Variants in ADAMTSL3 observed in about 807,000 individuals in gnomAD.
ADAMTSL3 encodes ADAMTS-like protein 3.
A neutral mutation model predicts 201.7 loss-of-function variants in ADAMTSL3; 128 were observed. That is an observed-to-expected ratio of 0.63 (90% CI 0.55 to 0.73). The LOEUF (loss-of-function observed/expected upper bound fraction) is 0.73. Among genes scored for constraint, ADAMTSL3 ranks in the 30% least tolerant of loss-of-function variants. The pLI, the probability that ADAMTSL3 is intolerant of heterozygous loss-of-function variation, is 0.00. For missense variants in ADAMTSL3, 1,990 were observed against 2,119.6 expected, an observed-to-expected ratio of 0.94 and a Z score of 1.20; for synonymous variants, 738 against 748.4, an observed-to-expected ratio of 0.99 and a Z score of 0.23.
At chr15:83,895,931 G>C (rs1485834323) in intron 13 of ADAMTSL3, among the ~76,000 whole-genome samples, 1 of 152,124 alleles carries the variant, frequency 6.6e-6, no homozygotes, top group Non-Finnish European at 1.5e-5. Flanking sequence ...TATTCTGCCT[G>C]ATGTGTGTAC....
intron 19 of ADAMTSL3, among the ~76,000 whole-genome samples, chr15:83,949,625 C>A (rs1305334966): frequency 6.6e-6 from 1 of 151,966 alleles, no homozygotes; most frequent in Non-Finnish European, 1.5e-5. Flanking sequence ...ACATTCCCAC[C>A]AACAATGTAC....
chr15:83,733,109 C>T (rs1313876214), intron 3 of ADAMTSL3, among the ~76,000 whole-genome samples: 2 of 152,134 alleles, frequency 1.3e-5, no homozygotes, highest in Non-Finnish European at 2.9e-5. Context: ...TGGGTGTAAT[C>T]ACAAGAGTGA....
chr15:83,778,472 T>G (rs958883073), intron 4 of ADAMTSL3, among the ~76,000 whole-genome samples: 34 of 152,232 alleles, frequency 2.2e-4, no homozygotes, highest in Non-Finnish European at 4.7e-4. Context: ...GTATTCAACA[T>G]TCTTAAAATA....
In ADAMTSL3 at chr15:83,822,470, T is replaced by C. The variant is rs1376067427; in HGVS notation, c.600+2423T>C. ...GTTGCCAGGCGGAGGGTCTCCTCAC[T>C]TCTCAGACGGGGCGGCCGGGCAGAG... On this transcript the variant is annotated intron_variant, in intron 6 of 29. Transcript: ENST00000286744. Among the ~76,000 whole-genome samples, 4 of 132,480 alleles carry C rather than the reference T, an allele frequency of 3.0e-5. No homozygotes were observed. The East Asian group carries it at 7.2e-4, about 24-fold the overall frequency. 86.9% of individuals were successfully genotyped at this position (132,480 alleles called of 152,430 possible).
chr15:83,826,369 T>C (rs2064021969), intron 6 of ADAMTSL3, among the ~76,000 whole-genome samples: 1 of 151,882 alleles, frequency 6.6e-6, no homozygotes, highest in East Asian at 1.9e-4. Context: ...GCAACTTTCC[T>C]ACCTTGGCCC....
rs558442093 is a variant in ADAMTSL3, at chr15:83,981,083, A to G, written c.2645-1190A>G. Among the ~76,000 whole-genome samples the G allele has an allele frequency of 2.6e-5, 4 of 152,284 alleles. No homozygotes were observed. The East Asian group carries it at 7.7e-4, about 29-fold the overall frequency. ...TCCAGTATCTCTTCTGCCACTCACT[A>G]GTGCTTCCAAGCCATCCATCCTACA... On this transcript the variant is annotated intron_variant, in intron 20 of 29. Coordinates refer to ENST00000286744, the MANE Select transcript of ADAMTSL3 (RefSeq NM_207517.3).
intron 18 of ADAMTSL3, 29 bp from the exon 19 acceptor site, chr15:83,942,874 T>C (rs2066589105): frequency 6.2e-7 from 1 of 1,607,316 alleles, no homozygotes; most frequent in Non-Finnish European, 8.5e-7. Flanking sequence ...GGGCCAAGCC[T>C]GCCGCCTCAC....
rs63362361 is a variant in ADAMTSL3, at chr15:84,016,376, T to C, written c.4157-7T>C. Reference sequence around the variant, plus strand: ...CTGGTAAAAGTGCTACTTTTTTTTTTCCTCAGAACGAAGATGGCCAGAGAG... The same window carrying C: ...CTGGTAAAAGTGCTACTTTTTTTTTCCCTCAGAACGAAGATGGCCAGAGAG... On this transcript the variant is annotated splice_region_variant and splice_polypyrimidine_tract_variant and intron_variant, in intron 24 of 29. Transcript: ENST00000286744. 251 of 1,610,130 alleles carry C rather than the reference T, an allele frequency of 1.6e-4. No individual in the cohort carries two copies. The highest frequency in any genetic ancestry group is 2.7e-4 in the East Asian group (12 of 44,848).
At chr15:83,965,357 A>G (rs1249410124) in intron 19 of ADAMTSL3, among the ~76,000 whole-genome samples, 1 of 151,170 alleles carries the variant, frequency 6.6e-6, no homozygotes, top group East Asian at 1.9e-4. Context: ...AGCAAAAAAA[A>G]AAAAAAAAAA....
chr15:83,705,231 AG>A (rs1254222856), intron 3 of ADAMTSL3, among the ~76,000 whole-genome samples: 1 of 152,172 alleles, frequency 6.6e-6, no homozygotes, highest in African/African-American at 2.4e-5. Context: ...TGAGCAAACC[AG>A]GGTGGACTTT....
intron 7 of ADAMTSL3, among the ~76,000 whole-genome samples, chr15:83,858,157 C>T (rs145736961): frequency 6.6e-6 from 1 of 152,288 alleles, no homozygotes; most frequent in East Asian, 1.9e-4. Context: ...AGAGCATAAA[C>T]AGCCTTAAAT....
chr15:83,802,766 G>A (rs1326721675), intron 4 of ADAMTSL3, among the ~76,000 whole-genome samples: 1 of 152,188 alleles, frequency 6.6e-6, no homozygotes, highest in African/African-American at 2.4e-5. Context: ...AATATTGGTT[G>A]TGGTAGTGGT....
At chr15:83,822,007 C>T (rs1208098427) in intron 6 of ADAMTSL3, among the ~76,000 whole-genome samples, 1 of 145,298 alleles carries the variant, frequency 6.9e-6, no homozygotes, top group Non-Finnish European at 1.5e-5. Context: ...TGCTGACCTC[C>T]CCCACCTCCC....
rs185145296 is a variant in ADAMTSL3 at position 83,810,962 on chromosome 15, C to T, written c.363+6267C>T. ...CCATATTGGCCAGGCTGGTCTTGAACTCCTGACCTCAAGTGATCCGCCCAC... is the reference window on the plus strand; with the variant it reads ...CCATATTGGCCAGGCTGGTCTTGAATTCCTGACCTCAAGTGATCCGCCCAC... On this transcript the variant is annotated intron_variant, in intron 5 of 29. Coordinates refer to ENST00000286744, the MANE Select transcript of ADAMTSL3 (RefSeq NM_207517.3). Among the ~76,000 whole-genome samples the T allele has an allele frequency of 5.6e-3, 851 of 152,238 alleles. 6 individuals carry two copies. Among genetic ancestry groups the T allele is most frequent in the African/African-American group, 0.012 (490 of 41,538 alleles).
chr15:83,913,438 TACTC>T (rs2065972002), intron 16 of ADAMTSL3, 60 bp downstream of exon 16: 3 of 1,553,810 alleles, frequency 1.9e-6, no homozygotes, highest in East Asian at 2.3e-5. Flanking sequence ...TTTGAGAAAT[TACTC>T]AATCAGGTAA....
At chr15:83,899,276 T>C (rs974267307) in intron 14 of ADAMTSL3, among the ~76,000 whole-genome samples, 5 of 152,190 alleles carry the variant, frequency 3.3e-5, no homozygotes, top group African/African-American at 1.2e-4. Flanking sequence ...AATGTTTGCA[T>C]TCCATGGGCA....
chr15:83,827,667 C>T (rs1489193625), intron 6 of ADAMTSL3, among the ~76,000 whole-genome samples: 6 of 152,152 alleles, frequency 3.9e-5, no homozygotes, highest in African/African-American at 1.4e-4. Flanking sequence ...AGTCTTTAAT[C>T]CATCTTGAAT....
Position 83,676,847 on chromosome 15 carries a change from A to G in ADAMTSL3, c.69+21017A>G, listed in dbSNP as rs534370393. ...CCACGTGAAAACACAGTGAGAAGACACATCTATGAACCAGAGAGTAGGCCC... is the reference window on the plus strand; with the variant it reads ...CCACGTGAAAACACAGTGAGAAGACGCATCTATGAACCAGAGAGTAGGCCC... On this transcript the variant is annotated intron_variant, in intron 2 of 29. Coordinates refer to ENST00000286744, the MANE Select transcript of ADAMTSL3 (RefSeq NM_207517.3). Among the ~76,000 whole-genome samples, 6 of 152,348 alleles carry G rather than the reference A, an allele frequency of 3.9e-5. No homozygotes were observed. In the South Asian group the frequency reaches 1.2e-3, roughly 32 times the overall value.
chr15:84,035,807 A>G (rs1243906293), intron 28 of ADAMTSL3, among the ~76,000 whole-genome samples: 1 of 152,224 alleles, frequency 6.6e-6, no homozygotes, highest in African/African-American at 2.4e-5. Context: ...ACAACTAAGA[A>G]ATGGGAAGTC....
Sources: gnomAD v4.1 joint callset for allele counts (sites outside exome capture counted in the v4.1 genomes callset) on GRCh38, gnomAD v4.1.1 for gene constraint, MANE v1.5 for transcripts, NCBI Gene and HGNC (gene_info 2026-07-23, HGNC 2026-07-21) for gene names.